Variants in COL6A5 observed in about 807,000 individuals in gnomAD.
The protein encoded by COL6A5 is collagen alpha-5(VI) chain.
COL6A5 carries 48 observed loss-of-function variants against 65.6 expected under a neutral mutation model. The ratio of observed to expected loss-of-function variants is 0.73; its 90% CI spans 0.58 to 0.93. The LOEUF is 0.93. Among genes scored for constraint, COL6A5 ranks in the 40% least tolerant of loss-of-function variants. The probability of loss-of-function intolerance (pLI) is 0.00; values close to 1 mark genes in which losing one functional copy is unlikely to be tolerated. For synonymous variants in COL6A5, 291 were observed against 322.8 expected, an observed-to-expected ratio of 0.90 and a Z score of 1.05; for missense variants, 914 against 928.3, an observed-to-expected ratio of 0.98 and a Z score of 0.20.
At chr3:130,379,610 C>T in exon 4 of COL6A5, 1 of 1,551,428 alleles carries the variant, frequency 6.4e-7, no homozygotes, top group Non-Finnish European at 8.7e-7. Flanking sequence ...AAGACTATTT[C>T]TTTTCTTAAA....
exon 8 of COL6A5, chr3:130,395,245 T>G (rs930817238): frequency 4.0e-5 from 62 of 1,551,566 alleles, no homozygotes; most frequent in Non-Finnish European, 5.1e-5. Flanking sequence ...TTATCACATC[T>G]GGAGATCCTC....
chr3:130,482,176 T>C (rs530179875), intron 7 of COL6A5, among the ~76,000 whole-genome samples: 70 of 152,230 alleles, frequency 4.6e-4, no homozygotes, highest in Non-Finnish European at 7.1e-4. Flanking sequence ...TTTCTGGTTT[T>C]AGGTCTTACA....
At chr3:130,461,603 A>G (rs1413019976) in intron 5 of COL6A5, among the ~76,000 whole-genome samples, 6 of 152,046 alleles carry the variant, frequency 3.9e-5, no homozygotes, top group Non-Finnish European at 1.5e-5. Context: ...AATGTATGCC[A>G]TGTTGCCTGG....
upstream of COL6A5, among the ~76,000 whole-genome samples, chr3:130,426,783 A>G (rs1008843782): frequency 1.3e-5 from 2 of 151,896 alleles, no homozygotes; most frequent in African/African-American, 2.4e-5. Flanking sequence ...CAGTTAATAA[A>G]GGATGTTTGC....
At chr3:130,345,864 CGCCGCGG>C (rs1934447948) in exon 1 of COL6A5, 1 of 398,532 alleles carries the variant, frequency 2.5e-6, no homozygotes, top group African/African-American at 2.1e-5. Context: ...TATCCAACTG[CGCCGCGG>C]GCGCCCGAGA....
chr3:130,455,891 T>A (rs937059515), intron 5 of COL6A5, among the ~76,000 whole-genome samples: 1 of 152,144 alleles, frequency 6.6e-6, no homozygotes. Flanking sequence ...TCCCTGATAT[T>A]CTTACCAAGC....
chr3:130,449,170 C>T (rs867689023), intron 4 of COL6A5, among the ~76,000 whole-genome samples: 5 of 152,224 alleles, frequency 3.3e-5, no homozygotes, highest in Admixed American at 6.5e-5. Context: ...ATGGGTATGT[C>T]GGATTTCCAT....
intron 1 of COL6A5, among the ~76,000 whole-genome samples, chr3:130,356,407 A>G (rs575562688): frequency 1.3e-5 from 2 of 152,302 alleles, no homozygotes; most frequent in African/African-American, 4.8e-5. Flanking sequence ...CTAATAATGA[A>G]CTCTATCATC....
exon 6 of COL6A5, chr3:130,388,904 A>T (rs770442352): frequency 6.5e-7 from 1 of 1,547,792 alleles, no homozygotes; most frequent in South Asian, 1.2e-5. Flanking sequence ...TTGGGGGCCA[A>T]AAAATTTCTC....
At chr3:130,366,270 A>G (rs1374941192) in intron 1 of COL6A5, among the ~76,000 whole-genome samples, 1 of 152,236 alleles carries the variant, frequency 6.6e-6, no homozygotes, top group Non-Finnish European at 1.5e-5. Flanking sequence ...CTTGAACAGT[A>G]ATTAATAATA....
chr3:130,439,851 AT>A (rs36019428), intron 2 of COL6A5, among the ~76,000 whole-genome samples: 77,222 of 152,024 alleles, frequency 0.51, 24,610 homozygotes, highest in Non-Finnish European at 0.71. Context: ...CTTGGGGACA[AT>A]TGGGTAGTTT....
At position 130,484,192 on chromosome 3, in the gene COL6A5, A is replaced by G. The variant is rs188173459; in HGVS notation, c.*151A>G. ...AAAACAATTGGCTAATAGCATGCTA[A>G]ATTTGTTCTCCATCTCAAATCTTGA... On this transcript the variant is annotated 3_prime_UTR_variant, in exon 8 of 8. Transcript: ENST00000512836. The G allele has an allele frequency of 2.5e-4, 182 of 742,648 alleles. No homozygotes were observed. The African/African-American group carries it at 2.8e-3, about 11-fold the overall frequency. 46.0% of individuals were successfully genotyped at this position (742,648 alleles called of 1,614,324 possible).
upstream of COL6A5, chr3:130,431,151 C>T (rs1937783457): frequency 1.6e-6 from 1 of 640,212 alleles, no homozygotes; most frequent in Admixed American, 2.3e-5. Flanking sequence ...ACCACTATCC[C>T]AGTCAGGACA....
At chr3:130,421,440 T>C in intron 27 of COL6A5, 80 bp downstream of exon 27, 1 of 1,328,680 alleles carries the variant, frequency 7.5e-7, no homozygotes, top group Non-Finnish European at 1.1e-6. Flanking sequence ...TAGGTCTGAA[T>C]GAAATGGGGA....
chr3:130,427,595 G>A (rs1488232080), upstream of COL6A5, among the ~76,000 whole-genome samples: 4 of 152,064 alleles, frequency 2.6e-5, no homozygotes, highest in South Asian at 6.2e-4. Context: ...TACATGAAAC[G>A]ATCGACCCCA....
upstream of COL6A5, among the ~76,000 whole-genome samples, chr3:130,428,430 A>G (rs1334130374): frequency 6.6e-6 from 1 of 152,038 alleles, no homozygotes; most frequent in African/African-American, 2.4e-5. Flanking sequence ...GGCTGGGGGA[A>G]ATTAAGAGAG....
At chr3:130,470,790 C>T (rs374377616) in intron 6 of COL6A5, 81 bp from the exon 39 acceptor site, 30 of 1,003,822 alleles carry the variant, frequency 3.0e-5, no homozygotes, top group Middle Eastern at 4.1e-4. Flanking sequence ...CTGCCAACCA[C>T]GTGAAAACAT....
chr3:130,466,097 G>C (rs1361908867), intron 5 of COL6A5, among the ~76,000 whole-genome samples: 1 of 151,996 alleles, frequency 6.6e-6, no homozygotes, highest in Non-Finnish European at 1.5e-5. Flanking sequence ...AATATAGTAG[G>C]CTTGAGCAAC....
At chr3:130,386,111 T>TG (rs1936177454) in intron 5 of COL6A5, among the ~76,000 whole-genome samples, 1 of 152,062 alleles carries the variant, frequency 6.6e-6, no homozygotes, top group Admixed American at 6.6e-5. Context: ...ATGTGTTGAT[T>TG]GCCAGTATTA....
Sources: gnomAD v4.1 joint callset for allele counts (sites outside exome capture counted in the v4.1 genomes callset) on GRCh38, gnomAD v4.1.1 for gene constraint, MANE v1.5 for transcripts, NCBI Gene and HGNC (gene_info 2026-07-23, HGNC 2026-07-21) for gene names.